PTPRD: variants seen among roughly 807,000 people sequenced by gnomAD.
PTPRD encodes the protein receptor-type tyrosine-protein phosphatase delta.
PTPRD carries 34 observed loss-of-function variants against 214.5 expected under a neutral mutation model. That is an observed-to-expected ratio of 0.16 (90% CI 0.12 to 0.21). The LOEUF (loss-of-function observed/expected upper bound fraction) is 0.21, where lower values mean the gene tolerates loss of function less well. Among genes scored for constraint, PTPRD ranks in the 10% least tolerant of loss-of-function variants. PTPRD has a pLI of 1.00. For synonymous variants in PTPRD, 1,128 were observed against 845.7 expected, an observed-to-expected ratio of 1.33 and a Z score of -5.79; for missense variants, 2,545 against 2,398.7, an observed-to-expected ratio of 1.06 and a Z score of -1.27.
At chr9:9,387,118 C>T (rs1423782501) in intron 9 of PTPRD, among the ~76,000 whole-genome samples, 1 of 152,180 alleles carries the variant, frequency 6.6e-6, no homozygotes, top group Non-Finnish European at 1.5e-5. Context: ...CAAAGGCTTA[C>T]ATTGGAATGA....
At chr9:8,609,650 A>C (rs1409876744) in intron 14 of PTPRD, among the ~76,000 whole-genome samples, 1 of 152,188 alleles carries the variant, frequency 6.6e-6, no homozygotes, top group Non-Finnish European at 1.5e-5. Flanking sequence ...ATTAAATAAA[A>C]ATTATAAATC....
chr9:8,923,050 T>G (rs2098838931), intron 11 of PTPRD, among the ~76,000 whole-genome samples: 1 of 141,660 alleles, frequency 7.1e-6, no homozygotes, highest in Non-Finnish European at 1.5e-5. Context: ...TCTTTTTTTT[T>G]GTTGTTTTTG....
intron 3 of PTPRD, among the ~76,000 whole-genome samples, chr9:10,230,957 T>A (rs2099607340): frequency 6.6e-6 from 1 of 151,978 alleles, no homozygotes; most frequent in African/African-American, 2.4e-5. Context: ...GAGAATCTTA[T>A]CTACTTGAAG....
intron 3 of PTPRD, among the ~76,000 whole-genome samples, chr9:10,304,773 G>A (rs1201931722): frequency 6.6e-6 from 1 of 152,000 alleles, no homozygotes; most frequent in African/African-American, 2.4e-5. Flanking sequence ...ACAAACAATT[G>A]GAAAAACATT....
intron 3 of PTPRD, among the ~76,000 whole-genome samples, chr9:10,250,750 G>A (rs894351837): frequency 6.6e-6 from 1 of 151,932 alleles, no homozygotes; most frequent in Non-Finnish European, 1.5e-5. Context: ...AAGCACAAAG[G>A]TTCAGGGAAG....
At chr9:9,825,394 GAC>G (rs1565548491) in intron 5 of PTPRD, among the ~76,000 whole-genome samples, 5 of 143,346 alleles carry the variant, frequency 3.5e-5, no homozygotes, top group African/African-American at 1.1e-4. Context: ...GAGAGAGAGA[GAC>G]AGAGAGAGAA....
chr9:9,770,739 G>A (rs2098745446), intron 5 of PTPRD, among the ~76,000 whole-genome samples: 1 of 152,044 alleles, frequency 6.6e-6, no homozygotes, highest in Admixed American at 6.5e-5. Flanking sequence ...CACTGCACAG[G>A]TTGAAAATCT....
intron 2 of PTPRD, among the ~76,000 whole-genome samples, chr9:10,367,583 T>C (rs958540036): frequency 6.6e-6 from 1 of 152,030 alleles, no homozygotes; most frequent in Admixed American, 6.6e-5. Context: ...AGTGCAATGA[T>C]TGTAAAAGTA....
chr9:8,901,050 G>A (rs2098664739), intron 11 of PTPRD, among the ~76,000 whole-genome samples: 1 of 152,116 alleles, frequency 6.6e-6, no homozygotes, highest in Admixed American at 6.6e-5. Context: ...AGGAGGAAAA[G>A]GACAGTATCA....
intron 8 of PTPRD, among the ~76,000 whole-genome samples, chr9:9,567,948 C>T (rs1004245405): frequency 2.0e-5 from 3 of 151,804 alleles, no homozygotes; most frequent in Non-Finnish European, 4.4e-5. Flanking sequence ...GGCAAAATCC[C>T]CTTTTTTTTT....
At chr9:8,853,222 TAAGTCAG>T (rs1337836462) in intron 11 of PTPRD, among the ~76,000 whole-genome samples, 1 of 152,182 alleles carries the variant, frequency 6.6e-6, no homozygotes, top group Non-Finnish European at 1.5e-5. Flanking sequence ...TAGGTTACAT[TAAGTCAG>T]ACTGCTGTAA....
intron 3 of PTPRD, among the ~76,000 whole-genome samples, chr9:10,298,447 AGAGTT>A (rs1358257409): frequency 2.0e-5 from 3 of 152,166 alleles, no homozygotes; most frequent in East Asian, 1.9e-4. Flanking sequence ...AGAATATGTT[AGAGTT>A]AAGTTCAAAG....
intron 11 of PTPRD, among the ~76,000 whole-genome samples, chr9:8,746,013 G>A (rs912996309): frequency 1.3e-5 from 2 of 152,124 alleles, no homozygotes; most frequent in African/African-American, 4.8e-5. Context: ...GACTGGTCTT[G>A]AACTCCTGGA....
At chr9:10,083,332 A>C (rs1394268789) in intron 3 of PTPRD, among the ~76,000 whole-genome samples, 2 of 152,026 alleles carry the variant, frequency 1.3e-5, no homozygotes, top group Non-Finnish European at 1.5e-5. Context: ...ATAAGTCTTA[A>C]GCATTCTCAA....
chr9:8,897,294 G>A (rs1019823939), intron 11 of PTPRD, among the ~76,000 whole-genome samples: 2 of 148,894 alleles, frequency 1.3e-5, no homozygotes, highest in Non-Finnish European at 3.0e-5. Context: ...AAGACAATAA[G>A]CATAAGAGAA....
chr9:9,617,718 G>A (rs2094964544), intron 7 of PTPRD, among the ~76,000 whole-genome samples: 1 of 152,140 alleles, frequency 6.6e-6, no homozygotes, highest in African/African-American at 2.4e-5. Flanking sequence ...TTAGGATGGT[G>A]AGGGTGTCCT....
At chr9:9,641,270 C>G (rs2095939104) in intron 7 of PTPRD, among the ~76,000 whole-genome samples, 1 of 152,096 alleles carries the variant, frequency 6.6e-6, no homozygotes, top group Non-Finnish European at 1.5e-5. Context: ...GTGAACATGC[C>G]TTTCATCAGC....
intron 22 of PTPRD, among the ~76,000 whole-genome samples, chr9:8,505,742 T>G (rs1314816356): frequency 6.6e-6 from 1 of 151,868 alleles, no homozygotes; most frequent in Admixed American, 6.6e-5. Flanking sequence ...GAATTTTAGA[T>G]CCACCAAGTA....
chr9:9,369,073 C>G (rs1437635745), intron 9 of PTPRD, among the ~76,000 whole-genome samples: 1 of 152,030 alleles, frequency 6.6e-6, no homozygotes, highest in Non-Finnish European at 1.5e-5. Context: ...CATCCATGTC[C>G]CTACAAAGGA....
Sources: gnomAD v4.1 joint callset for allele counts (sites outside exome capture counted in the v4.1 genomes callset) on GRCh38, gnomAD v4.1.1 for gene constraint, MANE v1.5 for transcripts, NCBI Gene and HGNC (gene_info 2026-07-23, HGNC 2026-07-21) for gene names.